The following CLNK variants were observed in gnomAD, a reference collection of about 807,000 sequenced individuals.
CLNK encodes the protein cytokine dependent hematopoietic cell linker.
In CLNK, 74 loss-of-function variants were observed where a neutral mutation model predicts 68.6. The observed-to-expected ratio is 1.08, with a 90% CI of 0.89 to 1.31. The LOEUF is 1.31. CLNK is among the 50% of genes most tolerant of loss of function. CLNK has a pLI of 0.00. For missense variants in CLNK, 553 were observed against 515.3 expected, an observed-to-expected ratio of 1.07 and a Z score of -0.71; for synonymous variants, 198 against 172.2, an observed-to-expected ratio of 1.15 and a Z score of -1.17.
At chr4:10,555,741 A>G (rs1719648493) in intron 8 of CLNK, among the ~76,000 whole-genome samples, 1 of 152,204 alleles carries the variant, frequency 6.6e-6, no homozygotes, top group African/African-American at 2.4e-5. Flanking sequence ...TTTTTGTGAG[A>G]GTGAATAAAT....
At chr4:10,710,519 G>C in the CLNK span, among the ~76,000 whole-genome samples, 1 of 152,200 alleles carries the variant, frequency 6.6e-6, no homozygotes, top group Non-Finnish European at 1.5e-5. Context: ...TTATGTGCCA[G>C]ACACTGTGTG....
intron 2 of CLNK, among the ~76,000 whole-genome samples, chr4:10,631,613 T>A (rs911438771): frequency 6.6e-6 from 1 of 152,104 alleles, no homozygotes; most frequent in Non-Finnish European, 1.5e-5. Context: ...TTTTAAACAT[T>A]ACAGAACAAT....
At chr4:10,649,537 G>A (rs998860305) in intron 2 of CLNK, among the ~76,000 whole-genome samples, 8 of 152,070 alleles carry the variant, frequency 5.3e-5, no homozygotes, top group Admixed American at 2.0e-4. Flanking sequence ...GAAGAGTGAC[G>A]GAAAGGAGTC....
intron 1 of CLNK, among the ~76,000 whole-genome samples, chr4:10,671,142 T>C (rs1724616141): frequency 2.0e-5 from 3 of 152,080 alleles, no homozygotes; most frequent in Admixed American, 6.6e-5. Flanking sequence ...TCCCAACATT[T>C]TGGGAGGCCG....
the CLNK span, among the ~76,000 whole-genome samples, chr4:10,709,000 G>A: frequency 2.7e-4 from 41 of 152,184 alleles, no homozygotes; most frequent in Non-Finnish European, 5.0e-4. Context: ...AATCAATTGA[G>A]ATGGACCTAC....
At chr4:10,518,642 T>G (rs142363538) in intron 15 of CLNK, among the ~76,000 whole-genome samples, 1 of 152,220 alleles carries the variant, frequency 6.6e-6, no homozygotes, top group Non-Finnish European at 1.5e-5. Flanking sequence ...ATCCACTTGC[T>G]TGGGATCCTA....
At chr4:10,541,673 C>T (rs1463791331) in intron 10 of CLNK, among the ~76,000 whole-genome samples, 1 of 151,852 alleles carries the variant, frequency 6.6e-6, no homozygotes, top group Non-Finnish European at 1.5e-5. Context: ...TCATATGAAT[C>T]TAAGCCTGCC....
chr4:10,677,237 C>G (rs1724911448), intron 1 of CLNK, among the ~76,000 whole-genome samples: 1 of 152,034 alleles, frequency 6.6e-6, no homozygotes, highest in Non-Finnish European at 1.5e-5. Flanking sequence ...GAAGATAGAT[C>G]CAGTAAACCC....
intron 3 of CLNK, among the ~76,000 whole-genome samples, chr4:10,589,336 G>A (rs897643823): frequency 1.3e-5 from 2 of 152,142 alleles, no homozygotes; most frequent in Non-Finnish European, 2.9e-5. Flanking sequence ...TAGCAGCAAC[G>A]TAGACCGCAG....
At chr4:10,620,997 C>A (rs1172582268) in intron 2 of CLNK, among the ~76,000 whole-genome samples, 1 of 151,896 alleles carries the variant, frequency 6.6e-6, no homozygotes, top group Non-Finnish European at 1.5e-5. Flanking sequence ...GTAGTCCCAG[C>A]TGCTCAGGAG....
In CLNK at chr4:10,610,801, C is replaced by G. The variant is rs1233090959; in HGVS notation, c.12-12752G>C. Among the ~76,000 whole-genome samples, 22 of 151,262 alleles carry G rather than the reference C, an allele frequency of 1.5e-4. 1 individual carries two copies. The stretch of plus-strand genomic sequence containing the variant: ...ACACACACACACACACACACACACA[C>G]ACACACACACACACACACGTATGAA... On this transcript the variant is annotated intron_variant, in intron 2 of 18. Transcript: ENST00000226951.
intron 1 of CLNK, among the ~76,000 whole-genome samples, chr4:10,679,308 G>A (rs1261985515): frequency 3.3e-5 from 5 of 152,212 alleles, no homozygotes; most frequent in Non-Finnish European, 7.3e-5. Flanking sequence ...AAACTGGCTA[G>A]CCATATGTAG....
At chr4:10,578,579 C>CTTTTTTTTTTTTTT (rs5856062) in intron 4 of CLNK, among the ~76,000 whole-genome samples, 6 of 44,924 alleles carry the variant, frequency 1.3e-4, no homozygotes, top group African/African-American at 4.4e-4. Flanking sequence ...CTTACCTTAT[C>CTTTTTTTTTTTTTT]TTTTTTTTTT....
chr4:10,576,618 A>G (rs1720575091), intron 4 of CLNK, among the ~76,000 whole-genome samples: 1 of 152,198 alleles, frequency 6.6e-6, no homozygotes, highest in South Asian at 2.1e-4. Context: ...AGGTCCAGCC[A>G]AGGATGACAG....
rs1344507085 is a variant in CLNK, at chr4:10,541,987, A to T, written c.491+35T>A. The T allele has an allele frequency of 2.7e-6, 4 of 1,476,410 alleles. No individual in the cohort carries two copies. The African/African-American group carries it at 6.0e-5, about 22-fold the overall frequency. The allele number at this position is 1,476,410 out of a possible 1,614,324, so 91.5% of individuals were successfully genotyped here. Reference sequence around the variant, plus strand: ...ATGCTGGCACAAATTATTTCATTGTATAGCGAAAAAAAATGCTATTTTAAA... The same window carrying T: ...ATGCTGGCACAAATTATTTCATTGTTTAGCGAAAAAAAATGCTATTTTAAA... On this transcript the variant is annotated intron_variant, in intron 10 of 18. Coordinates refer to ENST00000226951, the MANE Select transcript of CLNK (RefSeq NM_052964.4).
intron 16 of CLNK, among the ~76,000 whole-genome samples, chr4:10,512,917 G>A (rs1577097603): frequency 1.3e-5 from 2 of 151,940 alleles, no homozygotes; most frequent in African/African-American, 4.8e-5. Context: ...ATTTTAGAAA[G>A]AGACCACAAA....
At chr4:10,622,182 C>A (rs890122823) in intron 2 of CLNK, among the ~76,000 whole-genome samples, 6 of 152,074 alleles carry the variant, frequency 3.9e-5, no homozygotes, top group Non-Finnish European at 8.8e-5. Context: ...TTGGTAAATA[C>A]CATATAGATT....
At chr4:10,535,235 G>GAAAC (rs1266144983) in intron 11 of CLNK, among the ~76,000 whole-genome samples, 4 of 149,908 alleles carry the variant, frequency 2.7e-5, no homozygotes, top group African/African-American at 9.9e-5. Context: ...AAGAAAGAAA[G>GAAAC]AAAGAAAGAA....
chr4:10,513,415 T>C, intron 16 of CLNK, 49 bp downstream of exon 16: 1 of 1,571,160 alleles, frequency 6.4e-7, no homozygotes, highest in Non-Finnish European at 8.6e-7. Context: ...AAGCTCTATT[T>C]AGATGCCAAG....
Sources: gnomAD v4.1 joint callset for allele counts (sites outside exome capture counted in the v4.1 genomes callset) on GRCh38, gnomAD v4.1.1 for gene constraint, MANE v1.5 for transcripts, NCBI Gene and HGNC (gene_info 2026-07-23, HGNC 2026-07-21) for gene names.